ZP2: variants seen among roughly 807,000 people sequenced by gnomAD.
ZP2 encodes zona pellucida sperm-binding protein 2.
A neutral mutation model predicts 84.0 loss-of-function variants in ZP2; 51 were observed. That is an observed-to-expected ratio of 0.61 (90% CI 0.49 to 0.77). ZP2 has a LOEUF of 0.77. Ranked by LOEUF, ZP2 falls within the 30% of genes least tolerant of loss-of-function variation. The pLI is 0.00. For missense variants in ZP2, 909 were observed against 911.9 expected (o/e 1.00, Z 0.04); for synonymous variants, 375 against 330.9 (o/e 1.13, Z -1.45).
chr16:21,209,083 C>T (rs2283517), intron 4 of ZP2, among the ~76,000 whole-genome samples: 26,093 of 152,068 alleles, frequency 0.17, 2,982 homozygotes, highest in East Asian at 0.39. Flanking sequence ...TGGCTTGTAT[C>T]CATTAGATGC....
At chr16:21,211,730 G>A (rs1034952331), upstream of ZP2, 2 of 1,498,576 alleles carry the variant, frequency 1.3e-6, no homozygotes, top group Non-Finnish European at 1.8e-6. Flanking sequence ...CTTGCGCCGG[G>A]TATTCTGCCA....
chr16:21,197,812 A>G lies in ZP2; in HGVS notation c.2049T>C (p.Ser683=), dbSNP rs1366341410. ...GSSDLKASGS[S]GEKSRSETGE... Reference sequence around the variant, plus strand: ...CTGTTTCACTCCTACTCTTCTCCCCACTGCTCCCACTTGCTTTTAGATCAG... The same window carrying G: ...CTGTTTCACTCCTACTCTTCTCCCCGCTGCTCCCACTTGCTTTTAGATCAG... Residue 683 remains serine, a synonymous_variant, in exon 18 of 19, where the codon AGT becomes AGC. Transcript: ENST00000574091. 1.2e-6 allele frequency: 2 copies of G among 1,614,132 alleles called. No individual in the cohort carries two copies. The highest frequency in any genetic ancestry group is 1.7e-5 in the Admixed American group (1 of 60,006).
rs554703950 is a variant in ZP2, at chr16:21,203,014, T to C, written c.1099+111A>G. 1.1e-5 allele frequency: 15 copies of C among 1,310,934 alleles called. No individual in the cohort carries two copies. The African/African-American group carries it at 2.1e-4, about 18-fold the overall frequency. 81.2% of individuals were successfully genotyped at this position (1,310,934 alleles called of 1,614,324 possible). On this transcript the variant is annotated intron_variant, in intron 10 of 18. Transcript: ENST00000574091. The stretch of plus-strand genomic sequence containing the variant: ...TTTCTAATCTGACTAGTCTTTAGTT[T>C]CTTCAGTCTATAAGCAATAGATCAG...
chr16:21,200,026 T>C, intron 14 of ZP2, 148 bp from the exon 15 acceptor site: 1 of 931,554 alleles, frequency 1.1e-6, no homozygotes, highest in Non-Finnish European at 1.6e-6. Flanking sequence ...CAGCATTTCT[T>C]ACCTGACCTA....
intron 14 of ZP2, among the ~76,000 whole-genome samples, chr16:21,200,322 C>A (rs557889825): frequency 6.6e-6 from 1 of 152,154 alleles, no homozygotes; most frequent in East Asian, 1.9e-4. Flanking sequence ...CCTGTAGTCC[C>A]AGCTACTTGG....
chr16:21,206,511 G>A (rs994275972), intron 5 of ZP2, among the ~76,000 whole-genome samples: 4 of 152,138 alleles, frequency 2.6e-5, no homozygotes, highest in African/African-American at 9.7e-5. Flanking sequence ...ATCTAGGGTA[G>A]GGCCTGGAAC....
In ZP2 at chr16:21,211,258, G is replaced by A. The variant is rs112498909; in HGVS notation, c.151+49C>T. On this transcript the variant is annotated intron_variant, in intron 2 of 18. Coordinates refer to ENST00000574091, the MANE Select transcript of ZP2 (RefSeq NM_001376232.1). ...TCTTGGCCAGCTAGGCCTTCCAGCT[G>A]CAACCTGTTTTCTCTGCTAAGAAGA... 6.6e-4 allele frequency: 1,031 copies of A among 1,565,556 alleles called. 3 individuals are homozygous for A. The African/African-American group carries it at 0.012, about 17-fold the overall frequency.
upstream of ZP2, chr16:21,214,301 G>T (rs79828148): frequency 2.5e-3 from 2,506 of 985,242 alleles, 8 homozygotes; most frequent in Non-Finnish European, 2.6e-3. Context: ...CCATGTCTAG[G>T]ATTCTGCTCC....
rs1387110299 is a variant in ZP2 at position 21,199,777 on chromosome 16, G to T, written c.1796C>A (p.Ala599Asp). 1 of 1,614,010 alleles carries T rather than the reference G, an allele frequency of 6.2e-7. No homozygotes were observed. Among genetic ancestry groups the T allele is most frequent in the African/African-American group, 1.3e-5 (1 of 74,918 alleles). ...GAGCACGTGGGCTTCTGATACAAAG[G>T]CAAAAGCCTTCATGTCAAACCTCTG... ...HYQRFDMKAF[A>D]FVSEAHVLSS... is the part of the protein sequence containing the mutation. The change falls in exon 15 of 19, where the codon GCC becomes GAC. Residue 599 changes from alanine (A) to aspartate (D), a missense_variant. Physicochemically the swap from Ala to Asp is moderately radical, Grantham distance 126. Transcript: ENST00000574091.
In ZP2 at chr16:21,205,752, A is replaced by G. The variant is rs376332681; in HGVS notation, c.507T>C (p.Ser169=). ...FMSFSLPRVF[S]GLADDSKGTK... ...ATACCTTACTGTCGTCAGCCAAGCCAGAGAAGACCCGTGGCAAGGAAAACT... is the reference window on the plus strand; with the variant it reads ...ATACCTTACTGTCGTCAGCCAAGCCGGAGAAGACCCGTGGCAAGGAAAACT... The change falls in exon 6 of 19, where the codon TCT becomes TCC. Residue 169 remains serine (S), a synonymous_variant. Transcript: ENST00000574091. 3 of 1,613,994 alleles carry G rather than the reference A, an allele frequency of 1.9e-6. No individual in the cohort carries two copies. The highest frequency in any genetic ancestry group is 2.5e-6 in the Non-Finnish European group (3 of 1,180,002).
At chr16:21,213,053 G>A (rs938230707), upstream of ZP2, among the ~76,000 whole-genome samples, 16 of 152,184 alleles carry the variant, frequency 1.1e-4, no homozygotes, top group African/African-American at 3.9e-4. Context: ...ATGTATGTAT[G>A]TATGTATTTG....
intron 9 of ZP2, 65 bp downstream of exon 9, chr16:21,203,965 C>T (rs769386711): frequency 3.8e-6 from 6 of 1,577,644 alleles, no homozygotes; most frequent in Admixed American, 1.7e-5. Context: ...CGTATGAGGA[C>T]TACCCACAAG....
At chr16:21,203,279 C>G in intron 9 of ZP2, 28 bp from the exon 10 acceptor site, 1 of 1,610,772 alleles carries the variant, frequency 6.2e-7, no homozygotes, top group Non-Finnish European at 8.5e-7. Context: ...CAATTAGCAG[C>G]CACAGTCCGT....
intron 9 of ZP2, 109 bp from the exon 10 acceptor site, chr16:21,203,360 T>G: frequency 1.4e-6 from 2 of 1,441,744 alleles, no homozygotes; most frequent in South Asian, 2.5e-5. Flanking sequence ...ACTCCAGACT[T>G]ATCTGGGCTC....
At chr16:21,212,732 C>T (rs2093279688), upstream of ZP2, among the ~76,000 whole-genome samples, 1 of 152,170 alleles carries the variant, frequency 6.6e-6, no homozygotes, top group Admixed American at 6.5e-5. Context: ...AGTAAAACTT[C>T]TGGGTAAAAG....
chr16:21,204,381 C>G lies in ZP2; in HGVS notation c.717G>C (p.Met239Ile). The stretch of plus-strand genomic sequence containing the variant: ...ATATAAATGTAAGCTTCAGAGACAC[C>G]ATGTAGAGATGACTGTTACCTTGCT... ...HYVQGNSHLY[M>I]VSLKLTFISP... The change falls in exon 8 of 19, where the codon ATG becomes ATC. Residue 239 changes from methionine (M) to isoleucine (I), a missense_variant. Coordinates refer to ENST00000574091, the MANE Select transcript of ZP2 (RefSeq NM_001376232.1). The G allele has an allele frequency of 8.7e-6, 14 of 1,613,918 alleles. No individual in the cohort carries two copies. Among genetic ancestry groups the G allele is most frequent in the Non-Finnish European group, 1.2e-5 (14 of 1,179,890 alleles).
intron 5 of ZP2, among the ~76,000 whole-genome samples, 193 bp downstream of exon 5, chr16:21,206,645 G>A (rs2093251011): frequency 6.6e-6 from 1 of 152,114 alleles, no homozygotes; most frequent in African/African-American, 2.4e-5. Flanking sequence ...GCCACCCTGA[G>A]GTAAGCATTA....
intron 12 of ZP2, 34 bp downstream of exon 12, chr16:21,201,898 A>C: frequency 1.2e-6 from 2 of 1,612,672 alleles, no homozygotes; most frequent in Middle Eastern, 1.7e-4. Context: ...AGTTTAAACT[A>C]GAGCTTAAGA....
rs936986284 is a variant in ZP2 at position 21,197,849 on chromosome 16, C to T, written c.2012G>A (p.Gly671Asp). 7 of 1,614,116 alleles carry T rather than the reference C, an allele frequency of 4.3e-6. No homozygotes were observed. Among genetic ancestry groups the T allele is most frequent in the Non-Finnish European group, 5.9e-6 (7 of 1,179,980 alleles). ...TGCTTTTAGATCAGATGAGCCGACA[C>T]CTGGGAAGAACCTGAGAGTTTAGTA... ...LLLSDDSSFR[G>D]VGSSDLKASG... is the part of the protein sequence containing the mutation. The change falls in exon 18 of 19, where the codon GGT (glycine) becomes GAT (aspartate). Residue 671 changes from glycine (G) to aspartate (D), a missense_variant and splice_region_variant. By Grantham distance (94) the Gly-to-Asp change is moderately conservative. Coordinates refer to ENST00000574091, the MANE Select transcript of ZP2 (RefSeq NM_001376232.1).
Sources: allele counts gnomAD v4.1 joint callset (sites outside exome capture counted in the v4.1 genomes callset), GRCh38; gene constraint gnomAD v4.1.1; transcripts MANE v1.5; gene names NCBI Gene and HGNC (gene_info 2026-07-23, HGNC 2026-07-21).